Variants in PRH1 observed in about 807,000 individuals in gnomAD.
PRH1 encodes the protein salivary acidic proline-rich phosphoprotein 1/2.
Under a neutral mutation model 7.9 loss-of-function variants are expected in PRH1, and 7 were observed. That is an observed-to-expected ratio of 0.89 (90% CI 0.50 to 1.67). The LOEUF (loss-of-function observed/expected upper bound fraction) is 1.67, where lower values mean the gene tolerates loss of function less well. PRH1 is among the 40% of genes most tolerant of loss of function. PRH1 has a pLI of 0.00. For missense variants in PRH1, 109 were observed against 223.6 expected (o/e 0.49, Z 3.27); for synonymous variants, 45 against 80.8 (o/e 0.56, Z 2.38).
intron 1 of PRH1, among the ~76,000 whole-genome samples, chr12:11,033,954 T>G (rs71441800): frequency 0.44 from 65,936 of 150,816 alleles, 15,202 homozygotes; most frequent in Non-Finnish European, 0.51. Context: ...CCACCTCCAT[T>G]CCACTTTCCA....
intron 1 of PRH1, among the ~76,000 whole-genome samples, chr12:11,026,836 A>G (rs1474164492): frequency 6.6e-6 from 1 of 152,242 alleles, no homozygotes; most frequent in African/African-American, 2.4e-5. Flanking sequence ...TTCTTAATCT[A>G]CACCCATTAT....
chr12:10,911,645 A>C (rs1374202486), intron 2 of PRH1, among the ~76,000 whole-genome samples: 1 of 152,210 alleles, frequency 6.6e-6, no homozygotes, highest in African/African-American at 2.4e-5. Context: ...TTTAATTTTC[A>C]TTTCTCATAT....
At chr12:11,092,341 G>C in intron 1 of PRH1, 1 of 334,844 alleles carries the variant, frequency 3.0e-6, no homozygotes, top group East Asian at 4.5e-5. Context: ...TGACCTTCAC[G>C]GTGAGTGTTG....
At chr12:11,136,806 C>A (rs1296748542) in intron 1 of PRH1, among the ~76,000 whole-genome samples, 3 of 152,130 alleles carry the variant, frequency 2.0e-5, no homozygotes, top group Middle Eastern at 3.2e-3. Context: ...GGGGCAGGAG[C>A]ACCCAGGAGT....
At chr12:10,936,785 T>C (rs1200021711) in intron 2 of PRH1, among the ~76,000 whole-genome samples, 2 of 152,178 alleles carry the variant, frequency 1.3e-5, no homozygotes, top group East Asian at 3.9e-4. Context: ...TAATTTAACC[T>C]TAACTACCTA....
At chr12:11,062,289 T>C (rs1478502040) in intron 1 of PRH1, 4 of 1,610,874 alleles carry the variant, frequency 2.5e-6, no homozygotes, top group Non-Finnish European at 3.4e-6. Context: ...GCAGAAAAGT[T>C]ATCATGTCTG....
intron 1 of PRH1, among the ~76,000 whole-genome samples, chr12:11,013,478 T>TA (rs1329208848): frequency 2.6e-5 from 4 of 152,080 alleles, no homozygotes; most frequent in Non-Finnish European, 5.9e-5. Flanking sequence ...GAGCTAAATG[T>TA]AAAAAGTGAG....
intron 2 of PRH1, among the ~76,000 whole-genome samples, chr12:10,899,072 G>C (rs1279524986): frequency 6.6e-6 from 1 of 152,182 alleles, no homozygotes; most frequent in East Asian, 1.9e-4. Context: ...TCTTGTGGCT[G>C]ATTTCTCCCT....
chr12:10,908,403 A>G (rs1438173953), intron 2 of PRH1: 1 of 1,612,476 alleles, frequency 6.2e-7, no homozygotes. Context: ...TTTAGCCCAT[A>G]CCTTAGCTGC....
At chr12:11,064,592 G>A (rs964316221) in intron 1 of PRH1, among the ~76,000 whole-genome samples, 19 of 149,000 alleles carry the variant, frequency 1.3e-4, no homozygotes, top group African/African-American at 4.4e-4. Context: ...TTAACTAAAT[G>A]TACTCCTGTC....
intron 1 of PRH1, among the ~76,000 whole-genome samples, chr12:10,985,714 T>G (rs1939581809): frequency 6.6e-6 from 1 of 152,156 alleles, no homozygotes; most frequent in Admixed American, 6.5e-5. Context: ...ATGATTAACA[T>G]TATGTTATTG....
intron 1 of PRH1, among the ~76,000 whole-genome samples, chr12:11,070,452 C>T (rs1186786350): frequency 8.8e-6 from 1 of 113,640 alleles, no homozygotes; most frequent in East Asian, 2.4e-4. Flanking sequence ...AGTATACCAA[C>T]ATATAAAACC....
At position 10,907,981 on chromosome 12, in the gene PRH1, C is replaced by T. The variant is rs1487465080; in HGVS notation, c.-58-23706G>A. On this transcript the variant is annotated intron_variant, in intron 2 of 3. Transcript: ENST00000539853. ...AAATAACTGTTCTAATTATCTGTAG[C>T]TCACCATTTAAATAGGAGTACTTGA... 4 of 165,676 alleles carry T rather than the reference C, an allele frequency of 2.4e-5. No homozygotes were observed. In the South Asian group the frequency reaches 7.4e-4, roughly 31 times the overall value. 10.3% of individuals were successfully genotyped at this position (165,676 alleles called of 1,614,324 possible).
At chr12:11,038,038 T>C (rs1367434812) in intron 1 of PRH1, among the ~76,000 whole-genome samples, 1 of 152,256 alleles carries the variant, frequency 6.6e-6, no homozygotes, top group Non-Finnish European at 1.5e-5. Flanking sequence ...TGAGACGCTG[T>C]CTCAAAATAA....
intron 1 of PRH1, among the ~76,000 whole-genome samples, chr12:11,129,720 C>A (rs1199938678): frequency 2.6e-5 from 4 of 152,268 alleles, no homozygotes; most frequent in Admixed American, 2.6e-4. Context: ...TTAATCTACA[C>A]CCATTATGAG....
intron 2 of PRH1, among the ~76,000 whole-genome samples, chr12:10,923,836 G>A: frequency 6.6e-6 from 1 of 151,956 alleles, no homozygotes; most frequent in Non-Finnish European, 1.5e-5. Flanking sequence ...TCTTTTGATA[G>A]ATCAAGCAAA....
At chr12:11,003,798 G>A (rs1402828412) in intron 1 of PRH1, among the ~76,000 whole-genome samples, 1 of 151,476 alleles carries the variant, frequency 6.6e-6, no homozygotes, top group Non-Finnish European at 1.5e-5. Flanking sequence ...TATTATATCT[G>A]TATATATTAC....
intron 1 of PRH1, among the ~76,000 whole-genome samples, chr12:10,985,154 C>A (rs905201590): frequency 1.1e-4 from 17 of 151,888 alleles, no homozygotes; most frequent in African/African-American, 4.1e-4. Context: ...GAAGAAATGA[C>A]TTTTCTAACT....
chr12:11,025,590 C>T (rs75050622), intron 1 of PRH1, among the ~76,000 whole-genome samples: 6 of 152,104 alleles, frequency 3.9e-5, no homozygotes, highest in African/African-American at 1.5e-4. Context: ...ACATTTTATA[C>T]CTTTTGGAAA....
Sources: gnomAD v4.1 joint callset for allele counts (sites outside exome capture counted in the v4.1 genomes callset) on GRCh38, gnomAD v4.1.1 for gene constraint, MANE v1.5 for transcripts, NCBI Gene and HGNC (gene_info 2026-07-23, HGNC 2026-07-21) for gene names.